PRKN: variants seen among roughly 807,000 people sequenced by gnomAD.
The protein encoded by PRKN is E3 ubiquitin-protein ligase parkin.
In PRKN, 56 loss-of-function variants were observed where a neutral mutation model predicts 59.5. That is an observed-to-expected ratio of 0.94 (90% confidence interval 0.76 to 1.18). The LOEUF is 1.18. Ranked by LOEUF, PRKN falls within the 50% of genes most tolerant of loss-of-function variation. The pLI is 0.00. For missense variants in PRKN, 657 were observed against 596.4 expected (o/e 1.10, Z -1.06); for synonymous variants, 250 against 222.1 (o/e 1.13, Z -1.12).
intron 1 of PRKN, among the ~76,000 whole-genome samples, chr6:162,706,001 G>A (rs553317314): frequency 2.0e-5 from 3 of 152,122 alleles, no homozygotes; most frequent in East Asian, 3.9e-4. Context: ...GCCAGCCCCT[G>A]CTAATCAACG....
intron 2 of PRKN, among the ~76,000 whole-genome samples, chr6:162,347,043 G>C (rs1408392911): frequency 2.0e-5 from 3 of 151,074 alleles, no homozygotes; most frequent in South Asian, 2.1e-4. Context: ...TTCTTGATCA[G>C]TCTTGTGAGA....
chr6:161,637,206 T>C (rs1783556794), intron 7 of PRKN, among the ~76,000 whole-genome samples: 2 of 152,206 alleles, frequency 1.3e-5, no homozygotes, highest in Non-Finnish European at 2.9e-5. Flanking sequence ...GAAATGCTTC[T>C]GAGGGTCCCT....
chr6:161,999,567 C>T (rs545248843), intron 5 of PRKN, among the ~76,000 whole-genome samples: 27 of 152,162 alleles, frequency 1.8e-4, no homozygotes, highest in East Asian at 1.2e-3. Flanking sequence ...AAGCAATGTG[C>T]GAGGTCCAAG....
intron 2 of PRKN, among the ~76,000 whole-genome samples, chr6:162,383,751 T>C (rs191115088): frequency 6.6e-6 from 1 of 152,278 alleles, no homozygotes; most frequent in East Asian, 1.9e-4. Context: ...CATCTTCCAA[T>C]AGAAGGCTGT....
intron 7 of PRKN, among the ~76,000 whole-genome samples, chr6:161,757,234 G>C (rs951916115): frequency 6.6e-6 from 1 of 152,172 alleles, no homozygotes; most frequent in South Asian, 2.1e-4. Flanking sequence ...TGGCAAATTG[G>C]ATTTAACTGA....
chr6:162,611,999 C>T lies in PRKN; in HGVS notation c.7+115663G>A, dbSNP rs1020708798. 6.6e-5 allele frequency among the ~76,000 whole-genome samples: 10 copies of T among 150,634 alleles called. No individual in the cohort carries two copies. The South Asian group carries it at 1.7e-3, about 26-fold the overall frequency. Reference sequence around the variant, plus strand: ...AGGAGATCGAGACCATCCTGGCTAACACGGTGAAACCCCGTCTCTACTAAA... The same window carrying T: ...AGGAGATCGAGACCATCCTGGCTAATACGGTGAAACCCCGTCTCTACTAAA... On this transcript the variant is annotated intron_variant, in intron 1 of 11. Coordinates refer to ENST00000366898, the MANE Select transcript of PRKN (RefSeq NM_004562.3).
chr6:161,587,924 G>C (rs1781576956), intron 7 of PRKN, among the ~76,000 whole-genome samples: 1 of 152,136 alleles, frequency 6.6e-6, no homozygotes, highest in South Asian at 2.1e-4. Context: ...GAGAATTAAA[G>C]ACTGGTAAAA....
chr6:162,100,010 G>A (rs1255155018), intron 4 of PRKN, among the ~76,000 whole-genome samples: 1 of 152,164 alleles, frequency 6.6e-6, no homozygotes, highest in Admixed American at 6.5e-5. Context: ...CCACGTATAC[G>A]TGAAACCGTG....
chr6:161,771,224 C>T (rs999177048), intron 7 of PRKN, among the ~76,000 whole-genome samples: 3 of 151,788 alleles, frequency 2.0e-5, no homozygotes, highest in Non-Finnish European at 2.9e-5. Context: ...GGCATCATGG[C>T]GGGCACCTGT....
chr6:161,910,340 C>T (rs570968631), intron 6 of PRKN, among the ~76,000 whole-genome samples: 2 of 152,214 alleles, frequency 1.3e-5, no homozygotes, highest in Admixed American at 1.3e-4. Context: ...CCACAACCTC[C>T]ACCTCCTGGG....
chr6:161,493,872 C>T (rs1777646985), intron 9 of PRKN, among the ~76,000 whole-genome samples: 1 of 152,154 alleles, frequency 6.6e-6, no homozygotes, highest in Non-Finnish European at 1.5e-5. Context: ...CTTCAAAATG[C>T]CATCTGTAAG....
intron 4 of PRKN, among the ~76,000 whole-genome samples, chr6:162,102,664 G>T (rs1780020398): frequency 6.8e-6 from 1 of 147,414 alleles, no homozygotes; most frequent in Admixed American, 6.6e-5. Flanking sequence ...TGGAAAAGTG[G>T]TTGTGGGTCC....
intron 4 of PRKN, among the ~76,000 whole-genome samples, chr6:162,144,625 T>G (rs1435736487): frequency 2.0e-5 from 3 of 152,186 alleles, no homozygotes; most frequent in Non-Finnish European, 4.4e-5. Flanking sequence ...CAACCTTTGG[T>G]TGTAGCTTCA....
At chr6:162,314,111 G>A (rs1296112512) in intron 2 of PRKN, among the ~76,000 whole-genome samples, 1 of 152,110 alleles carries the variant, frequency 6.6e-6, no homozygotes, top group Non-Finnish European at 1.5e-5. Flanking sequence ...TCTGAGGTGT[G>A]TCTACTACAC....
intron 5 of PRKN, among the ~76,000 whole-genome samples, chr6:162,015,086 T>A (rs7770651): frequency 0.055 from 8,344 of 152,212 alleles, 815 homozygotes; most frequent in African/African-American, 0.19. Context: ...AACAGCAACT[T>A]TTGCGATTGA....
At chr6:162,499,206 G>A (rs1454911685) in intron 1 of PRKN, among the ~76,000 whole-genome samples, 3 of 151,936 alleles carry the variant, frequency 2.0e-5, no homozygotes, top group African/African-American at 7.3e-5. Context: ...CACCCTCCAT[G>A]CCTCTGTAAA....
At chr6:162,084,351 A>G (rs1428462546) in intron 4 of PRKN, among the ~76,000 whole-genome samples, 1 of 152,170 alleles carries the variant, frequency 6.6e-6, no homozygotes, top group East Asian at 1.9e-4. Flanking sequence ...CCGTGGAGTC[A>G]ACATCTGTAC....
chr6:161,779,280 C>G (rs551506998), intron 7 of PRKN, among the ~76,000 whole-genome samples: 1 of 152,064 alleles, frequency 6.6e-6, no homozygotes, highest in South Asian at 2.1e-4. Context: ...TTGATATAAC[C>G]TTTAGCTCCA....
chr6:162,508,222 G>A (rs1793692559), intron 1 of PRKN, among the ~76,000 whole-genome samples: 1 of 152,122 alleles, frequency 6.6e-6, no homozygotes, highest in Admixed American at 6.6e-5. Context: ...TCACTACTGT[G>A]AGAACAGTAT....
Sources: gnomAD v4.1 joint callset for allele counts (sites outside exome capture counted in the v4.1 genomes callset) on GRCh38, gnomAD v4.1.1 for gene constraint, MANE v1.5 for transcripts, NCBI Gene and HGNC (gene_info 2026-07-23, HGNC 2026-07-21) for gene names.